TNR: variants seen among roughly 807,000 people sequenced by gnomAD.
TNR encodes the protein tenascin R.
In TNR, 45 loss-of-function variants were observed where a neutral mutation model predicts 150.4. That is an observed-to-expected ratio of 0.30 (90% confidence interval 0.24 to 0.38). The LOEUF is 0.38. TNR is among the 10% of genes least tolerant of loss of function. The probability of loss-of-function intolerance (pLI) is 1.00; values close to 1 mark genes in which losing one functional copy is unlikely to be tolerated. For missense variants in TNR, 1,544 were observed against 1,759.1 expected (o/e 0.88, Z 2.19); for synonymous variants, 687 against 678.4 (o/e 1.01, Z -0.20).
At chr1:175,464,910 G>A (rs890841938) in intron 2 of TNR, among the ~76,000 whole-genome samples, 1 of 152,148 alleles carries the variant, frequency 6.6e-6, no homozygotes, top group Admixed American at 6.5e-5. Context: ...AGTGGGTATT[G>A]CCTGTCTTGG....
At chr1:175,521,181 A>G (rs536723559) in intron 2 of TNR, among the ~76,000 whole-genome samples, 2 of 152,344 alleles carry the variant, frequency 1.3e-5, no homozygotes, top group South Asian at 2.1e-4. Flanking sequence ...CCTGCTCTCC[A>G]TAGAACCCTT....
chr1:175,345,000 CG>C (rs1277486167), intron 18 of TNR, among the ~76,000 whole-genome samples: 7 of 151,788 alleles, frequency 4.6e-5, no homozygotes, highest in African/African-American at 1.7e-4. Flanking sequence ...CCCAGCTATC[CG>C]GGAGGCTGAG....
At chr1:175,519,483 T>C (rs1659548658) in intron 2 of TNR, among the ~76,000 whole-genome samples, 1 of 152,244 alleles carries the variant, frequency 6.6e-6, no homozygotes, top group African/African-American at 2.4e-5. Context: ...ACACTTGCAG[T>C]CTATTGCTGT....
rs1178073785 is a variant in TNR at position 175,316,815 on chromosome 1, C to T, written c.*6542G>A. The T allele has an allele frequency of 6.6e-6, 1 of 152,098 alleles. No individual in the cohort carries two copies. The highest frequency in any genetic ancestry group is 2.4e-5 in the African/African-American group (1 of 41,434). The allele number at this position is 152,098 out of a possible 1,614,324, so 9.4% of individuals were successfully genotyped here. A position where few individuals can be genotyped will look rare whatever the true frequency, so the allele number is the denominator to read the frequency against. The stretch of plus-strand genomic sequence containing the variant: ...GAGATGTCAGAATGTTTCTTATTCC[C>T]CATGATGATGAGATTGAGGGTCCCC... On this transcript the variant is annotated 3_prime_UTR_variant, in exon 23 of 23. Transcript: ENST00000367674.
intron 2 of TNR, among the ~76,000 whole-genome samples, chr1:175,409,896 A>G (rs1654133952): frequency 6.6e-6 from 1 of 152,214 alleles, no homozygotes; most frequent in Non-Finnish European, 1.5e-5. Context: ...ACCACAGACA[A>G]TTATATATGT....
intron 18 of TNR, among the ~76,000 whole-genome samples, chr1:175,338,589 C>T (rs190095435): frequency 9.2e-5 from 14 of 152,266 alleles, no homozygotes; most frequent in African/African-American, 3.1e-4. Context: ...TGATGAAGAG[C>T]ATGCTGCGAT....
intron 1 of TNR, among the ~76,000 whole-genome samples, chr1:175,640,942 G>T (rs758024734): frequency 7.9e-5 from 12 of 152,042 alleles, no homozygotes; most frequent in Non-Finnish European, 1.6e-4. Flanking sequence ...CCTATGTGCT[G>T]CTGGAAAAAG....
chr1:175,697,344 C>A (rs1385961827), intron 1 of TNR, among the ~76,000 whole-genome samples: 3 of 113,030 alleles, frequency 2.7e-5, no homozygotes, highest in Admixed American at 2.1e-4. Context: ...CTCCTTTCTA[C>A]GTCTTTTTTT....
At chr1:175,399,988 C>T (rs1653620524) in intron 4 of TNR, among the ~76,000 whole-genome samples, 1 of 152,214 alleles carries the variant, frequency 6.6e-6, no homozygotes, top group Admixed American at 6.5e-5. Context: ...CTCCGCAGGT[C>T]TGACTGAAGT....
intron 21 of TNR, among the ~76,000 whole-genome samples, chr1:175,328,143 TG>T (rs1649519318): frequency 1.3e-5 from 2 of 152,190 alleles, no homozygotes; most frequent in South Asian, 4.2e-4. Flanking sequence ...AAACTAGAAG[TG>T]AGTACCATTG....
chr1:175,698,805 A>G (rs1666604536), intron 1 of TNR, among the ~76,000 whole-genome samples: 1 of 151,364 alleles, frequency 6.6e-6, no homozygotes, highest in African/African-American at 2.4e-5. Flanking sequence ...TGGGCAATAA[A>G]AGTAAGACTC....
Position 175,352,482 on chromosome 1 carries a change from G to GA in TNR, c.3382+1908dup, listed in dbSNP as rs1454439625. 4.6e-5 allele frequency among the ~76,000 whole-genome samples: 7 copies of GA among 152,296 alleles called. No individual in the cohort carries two copies. In the East Asian group the frequency reaches 1.4e-3, roughly 29 times the overall value. On this transcript the variant is annotated intron_variant, in intron 18 of 22. Coordinates refer to ENST00000367674, the MANE Select transcript of TNR (RefSeq NM_003285.3). ...CCGTGGGTCTTTAAGTGGTAGCGTG[G>GA]AAAAGAGGACCATGGAGCCCTCTTT...
chr1:175,423,304 A>G (rs556927243), intron 2 of TNR, among the ~76,000 whole-genome samples: 4 of 152,138 alleles, frequency 2.6e-5, no homozygotes, highest in Non-Finnish European at 2.9e-5. Flanking sequence ...CCTCAGCCTC[A>G]GCCTTAGCAG....
chr1:175,714,951 G>A (rs1215228520), intron 1 of TNR, among the ~76,000 whole-genome samples: 1 of 152,156 alleles, frequency 6.6e-6, no homozygotes, highest in Non-Finnish European at 1.5e-5. Flanking sequence ...AGAACTGGTA[G>A]GGGGCATGGG....
chr1:175,606,602 C>A (rs896466588), intron 1 of TNR, among the ~76,000 whole-genome samples: 2 of 152,118 alleles, frequency 1.3e-5, no homozygotes, highest in Non-Finnish European at 2.9e-5. Flanking sequence ...TACAGGCTGG[C>A]AGAATTCCTG....
chr1:175,657,491 T>C (rs1357247597), intron 1 of TNR, among the ~76,000 whole-genome samples: 2 of 152,074 alleles, frequency 1.3e-5, no homozygotes, highest in East Asian at 3.9e-4. Context: ...TGTGGCACTA[T>C]TCACAATAGC....
intron 4 of TNR, among the ~76,000 whole-genome samples, chr1:175,399,046 G>A (rs1212659639): frequency 6.6e-6 from 1 of 152,182 alleles, no homozygotes; most frequent in Non-Finnish European, 1.5e-5. Context: ...GTTACAGATT[G>A]CGCGAGATGC....
At chr1:175,666,459 A>G (rs1005596583) in intron 1 of TNR, among the ~76,000 whole-genome samples, 12 of 152,200 alleles carry the variant, frequency 7.9e-5, no homozygotes, top group African/African-American at 2.9e-4. Context: ...TGTCAGCCAC[A>G]TGGAGTGAGG....
At chr1:175,369,140 G>A (rs1478535370) in intron 9 of TNR, among the ~76,000 whole-genome samples, 1 of 152,172 alleles carries the variant, frequency 6.6e-6, no homozygotes, top group Non-Finnish European at 1.5e-5. Context: ...TTTTCAAAAT[G>A]GATTGTGTTT....
Sources: gnomAD v4.1 joint callset for allele counts (sites outside exome capture counted in the v4.1 genomes callset) on GRCh38, gnomAD v4.1.1 for gene constraint, MANE v1.5 for transcripts, NCBI Gene and HGNC (gene_info 2026-07-23, HGNC 2026-07-21) for gene names.